The following SIPA1L2 variants were observed in gnomAD, a reference collection of about 807,000 sequenced individuals.
SIPA1L2 encodes the protein signal-induced proliferation-associated 1-like protein 2.
Under a neutral mutation model 163.9 loss-of-function variants are expected in SIPA1L2, and 56 were observed. The observed-to-expected ratio is 0.34, with a 90% CI of 0.28 to 0.43. The LOEUF is 0.43. SIPA1L2 is among the 20% of genes least tolerant of loss of function. The pLI, the probability that SIPA1L2 is intolerant of heterozygous loss-of-function variation, is 1.00. For missense variants in SIPA1L2, 1,974 were observed against 2,193.5 expected (o/e 0.90, Z 2.00); for synonymous variants, 877 against 865.7 (o/e 1.01, Z -0.23).
chr1:232,576,930 A>C (rs1660109440), intron 1 of SIPA1L2, among the ~76,000 whole-genome samples: 1 of 152,198 alleles, frequency 6.6e-6, no homozygotes, highest in Non-Finnish European at 1.5e-5. Flanking sequence ...GCAGAAGAAA[A>C]GTCTGCAGGT....
chr1:232,500,427 T>A (rs1666409053), intron 3 of SIPA1L2, among the ~76,000 whole-genome samples: 2 of 152,216 alleles, frequency 1.3e-5, no homozygotes, highest in African/African-American at 2.4e-5. Flanking sequence ...CCAGATGCCA[T>A]TAAGAACGTT....
In SIPA1L2 at chr1:232,547,649, T is replaced by A. The variant is rs368875684; in HGVS notation, c.-270+26525A>T. Among the ~76,000 whole-genome samples the A allele has an allele frequency of 5.9e-5, 9 of 151,890 alleles. No individual in the cohort carries two copies. The South Asian group carries it at 1.0e-3, about 18-fold the overall frequency. On this transcript the variant is annotated intron_variant, in intron 2 of 22. Transcript: ENST00000674635. Reference sequence around the variant, plus strand: ...AAGTAAAAAGTTTGAAAATTACCAATCTAGGGAAGAACACCAGCATTGCCA... The same window carrying A: ...AAGTAAAAAGTTTGAAAATTACCAAACTAGGGAAGAACACCAGCATTGCCA...
intron 17 of SIPA1L2, among the ~76,000 whole-genome samples, chr1:232,427,606 G>A (rs1661977222): frequency 2.0e-5 from 3 of 152,008 alleles, no homozygotes. Flanking sequence ...TAAATGGGGT[G>A]ATTGGGCTAA....
rs149014430 is a variant in SIPA1L2 at position 232,538,031 on chromosome 1, C to A, written c.-269-22423G>T. Among the ~76,000 whole-genome samples the A allele has an allele frequency of 2.3e-3, 350 of 152,282 alleles. 2 individuals carry two copies. The highest frequency in any genetic ancestry group is 8.2e-3 in the African/African-American group (341 of 41,546). ...TATTTAAGTTATCTGTGACAATCTC[C>A]CAGGCAAGTTCTTACCCCATCAGTG... is the stretch of plus-strand genomic sequence containing the variant. On this transcript the variant is annotated intron_variant, in intron 2 of 22. Transcript: ENST00000674635.
At chr1:232,624,083 A>G (rs903539536) in intron 1 of SIPA1L2, among the ~76,000 whole-genome samples, 1 of 152,202 alleles carries the variant, frequency 6.6e-6, no homozygotes, top group African/African-American at 2.4e-5. Flanking sequence ...ACATACAGAT[A>G]TATTATACAT....
intron 18 of SIPA1L2, among the ~76,000 whole-genome samples, chr1:232,422,943 T>A (rs1367782289): frequency 1.3e-5 from 2 of 152,188 alleles, no homozygotes; most frequent in African/African-American, 4.8e-5. Flanking sequence ...TTAAAACCTG[T>A]CTTGAGTAGA....
intron 1 of SIPA1L2, among the ~76,000 whole-genome samples, chr1:232,595,029 C>A (rs557226786): frequency 6.6e-6 from 1 of 152,236 alleles, no homozygotes; most frequent in Admixed American, 6.5e-5. Flanking sequence ...TGAGAGGGCA[C>A]AAAAGAAACA....
At chr1:232,621,139 CAACA>C (rs1662788537) in intron 1 of SIPA1L2, among the ~76,000 whole-genome samples, 4 of 152,196 alleles carry the variant, frequency 2.6e-5, no homozygotes, top group Non-Finnish European at 4.4e-5. Flanking sequence ...ACTCACTTCC[CAACA>C]AAGAATATAT....
At chr1:232,427,560 GCTCACATTTTA>G (rs1261822233) in intron 17 of SIPA1L2, among the ~76,000 whole-genome samples, 3 of 152,152 alleles carry the variant, frequency 2.0e-5, no homozygotes, top group African/African-American at 7.2e-5. Flanking sequence ...TTTATGAAGA[GCTCACATTTTA>G]CCATCTGGGG....
chr1:232,443,232 C>A (rs1663008704), intron 12 of SIPA1L2, among the ~76,000 whole-genome samples: 1 of 152,200 alleles, frequency 6.6e-6, no homozygotes, highest in Admixed American at 6.5e-5. Flanking sequence ...CTGGGGCAAC[C>A]TCCCAGTACT....
chr1:232,564,893 C>T (rs182718901), intron 2 of SIPA1L2, among the ~76,000 whole-genome samples: 278 of 152,110 alleles, frequency 1.8e-3, no homozygotes, highest in African/African-American at 6.2e-3. Flanking sequence ...ACACTGAGGC[C>T]TGTCTCAGGG....
intron 2 of SIPA1L2, among the ~76,000 whole-genome samples, chr1:232,523,562 C>T (rs569705478): frequency 6.6e-6 from 1 of 152,234 alleles, no homozygotes; most frequent in South Asian, 2.1e-4. Context: ...ATTTAGAAAT[C>T]ATAAAAAATA....
At chr1:232,504,719 C>T (rs1666643544) in intron 3 of SIPA1L2, among the ~76,000 whole-genome samples, 1 of 152,108 alleles carries the variant, frequency 6.6e-6, no homozygotes, top group Admixed American at 6.5e-5. Context: ...CTTGAAAAAT[C>T]CAAGGCATTA....
intron 1 of SIPA1L2, among the ~76,000 whole-genome samples, chr1:232,579,569 A>G (rs1404675551): frequency 4.6e-5 from 7 of 152,240 alleles, no homozygotes; most frequent in African/African-American, 1.7e-4. Context: ...AGCCATTCCC[A>G]TAAGGGAATC....
At chr1:232,604,809 C>T (rs538864724) in intron 1 of SIPA1L2, among the ~76,000 whole-genome samples, 2 of 152,026 alleles carry the variant, frequency 1.3e-5, no homozygotes, top group East Asian at 1.9e-4. Context: ...GCACATAACC[C>T]CTCTCCTCTC....
rs368259254 is a variant in SIPA1L2 at position 232,439,512 on chromosome 1, G to A, written c.3643-16C>T. ...TATCCCCAATCTTCAGAAGAAAGAG[G>A]AACAGAGAGTTCTCAAGTGAATCTT... On this transcript the variant is annotated splice_polypyrimidine_tract_variant and intron_variant, in intron 14 of 22. Coordinates refer to ENST00000674635, the MANE Select transcript of SIPA1L2 (RefSeq NM_020808.5). The A allele has an allele frequency of 3.1e-6, 5 of 1,601,534 alleles. No homozygotes were observed. The highest frequency in any genetic ancestry group is 4.3e-6 in the Non-Finnish European group (5 of 1,172,280).
rs1403544659 is a variant in SIPA1L2 at position 232,441,880 on chromosome 1, A to C, written c.3438-12T>G. On this transcript the variant is annotated splice_polypyrimidine_tract_variant and intron_variant, in intron 12 of 22. Transcript: ENST00000674635. ...GAGGGGACTGGCACCTGAAAAGAAC[A>C]CAGAGTTGAGCCTGTCCTTTCTCAA... 1 of 1,605,866 alleles carries C rather than the reference A, an allele frequency of 6.2e-7. No homozygotes were observed. Among genetic ancestry groups the C allele is most frequent in the Non-Finnish European group, 8.5e-7 (1 of 1,175,104 alleles).
intron 10 of SIPA1L2, among the ~76,000 whole-genome samples, chr1:232,457,703 A>T (rs1033509389): frequency 6.6e-5 from 10 of 152,224 alleles, no homozygotes; most frequent in African/African-American, 9.6e-5. Flanking sequence ...AAAGGAGTGA[A>T]GTGCTACCCA....
At chr1:232,629,125 A>T (rs529360003) in intron 1 of SIPA1L2, among the ~76,000 whole-genome samples, 40 of 152,346 alleles carry the variant, frequency 2.6e-4, no homozygotes, top group South Asian at 1.0e-3. Context: ...GATGACAAAT[A>T]TCTCCCACAG....
Sources: allele counts gnomAD v4.1 joint callset (sites outside exome capture counted in the v4.1 genomes callset), GRCh38; gene constraint gnomAD v4.1.1; transcripts MANE v1.5; gene names NCBI Gene and HGNC (gene_info 2026-07-23, HGNC 2026-07-21).